The following ALPK2 variants were observed in gnomAD, a reference collection of about 807,000 sequenced individuals.
ALPK2 encodes alpha-protein kinase 2.
A neutral mutation model predicts 163.1 loss-of-function variants in ALPK2; 127 were observed. That is an observed-to-expected ratio of 0.78 (90% CI 0.67 to 0.90). The LOEUF is 0.90. Among genes scored for constraint, ALPK2 ranks in the 40% least tolerant of loss-of-function variants. The pLI, the probability that ALPK2 is intolerant of heterozygous loss-of-function variation, is 0.00. For synonymous variants in ALPK2, 953 were observed against 959.1 expected, an observed-to-expected ratio of 0.99 and a Z score of 0.12; for missense variants, 2,360 against 2,589.6, an observed-to-expected ratio of 0.91 and a Z score of 1.92.
Position 58,580,384 on chromosome 18 carries a change from G to A in ALPK2, c.392C>T (p.Thr131Ile), listed in dbSNP as rs769702339. The change falls in exon 4 of 13, where the codon ACA (threonine) becomes ATA (isoleucine). Residue 131 changes from threonine to isoleucine, a missense_variant. Thr to Ile is a moderately conservative substitution (Grantham distance 89, BLOSUM62 -1). Coordinates refer to ENST00000361673, the MANE Select transcript of ALPK2 (RefSeq NM_052947.4). ...RDRGWKHETG[T>I]HEEERANQID... The stretch of plus-strand genomic sequence containing the variant: ...CTGATTTGCCCTTTCTTCTTCATGT[G>A]TCCCTGTTTCATGTTTCCAACCCCT... 2 of 1,614,076 alleles carry A rather than the reference G, an allele frequency of 1.2e-6. No homozygotes were observed. Among genetic ancestry groups the A allele is most frequent in the African/African-American group, 1.3e-5 (1 of 74,986 alleles).
rs1326870871 is a variant in ALPK2, at chr18:58,537,813, A to G, written c.2374T>C (p.Cys792Arg). The change falls in exon 5 of 13, where the codon TGT becomes CGT. Residue 792 changes from cysteine to arginine, a missense_variant. By Grantham distance (180) the Cys-to-Arg change is radical. Coordinates refer to ENST00000361673, the MANE Select transcript of ALPK2 (RefSeq NM_052947.4). ...GCTTCTCTGTCCCTTGGCTCATCAC[A>G]CACATTTTCCAGGGTGAGGGCAGTA... ...TDTALTLENV[C>R]DEPRDREAVC... The G allele has an allele frequency of 6.2e-7, 1 of 1,613,986 alleles. No individual in the cohort carries two copies.
At chr18:58,597,084 T>G (rs180833351) in intron 3 of ALPK2, among the ~76,000 whole-genome samples, 373 of 152,258 alleles carry the variant, frequency 2.4e-3, no homozygotes, top group African/African-American at 7.9e-3. Flanking sequence ...GGTCAAGAGT[T>G]TGAGACCAGC....
rs1358685146 is a variant in ALPK2, at chr18:58,535,233, T to C, written c.4954A>G (p.Thr1652Ala). The C allele has an allele frequency of 6.2e-7, 1 of 1,614,088 alleles. No individual in the cohort carries two copies. Among genetic ancestry groups the C allele is most frequent in the African/African-American group, 1.3e-5 (1 of 75,036 alleles). ...CGTTCTCCTGAAATAAATGCCAAGG[T>C]CTTCGCTGAGGAGCTAGATGAGCTT... The part of the protein sequence containing the change: ...PPSSSSSSAK[T>A]LAFISGEREL... Residue 1652 changes from threonine to alanine, a missense_variant, in exon 5 of 13, where the codon ACC (threonine) becomes GCC (alanine). Physicochemically the swap from Thr to Ala is moderately conservative, Grantham distance 58. Coordinates refer to ENST00000361673, the MANE Select transcript of ALPK2 (RefSeq NM_052947.4).
At chr18:58,538,363 C>A in intron 4 of ALPK2, 139 bp from the exon 5 acceptor site, 2 of 814,460 alleles carry the variant, frequency 2.5e-6, no homozygotes, top group Non-Finnish European at 3.7e-6. Context: ...ATTAATCCCC[C>A]AACTCCCTCT....
intron 12 of ALPK2, among the ~76,000 whole-genome samples, chr18:58,490,059 A>C (rs2051365227): frequency 6.6e-6 from 1 of 151,250 alleles, no homozygotes; most frequent in African/African-American, 2.4e-5. Context: ...TGACAGAGTG[A>C]GAGTCCGTCT....
chr18:58,604,352 G>A (rs2052087248), intron 3 of ALPK2, among the ~76,000 whole-genome samples: 1 of 152,100 alleles, frequency 6.6e-6, no homozygotes, highest in East Asian at 1.9e-4. Context: ...ACAAAATACC[G>A]TTCATTTTCC....
intron 12 of ALPK2, among the ~76,000 whole-genome samples, chr18:58,484,425 C>G (rs1006965847): frequency 6.6e-6 from 1 of 152,154 alleles, no homozygotes; most frequent in Non-Finnish European, 1.5e-5. Flanking sequence ...GGAAGCATTG[C>G]CGGCTGGTAA....
chr18:58,550,349 C>T lies in ALPK2; in HGVS notation c.1963-12125G>A, dbSNP rs928471338. On this transcript the variant is annotated intron_variant, in intron 4 of 12. Coordinates refer to ENST00000361673, the MANE Select transcript of ALPK2 (RefSeq NM_052947.4). ...CTATCCCTGCCTTCATCATGAACAACCCCATCTCTGTCTCTATCACATACA... is the reference window on the plus strand; with the variant it reads ...CTATCCCTGCCTTCATCATGAACAATCCCATCTCTGTCTCTATCACATACA... 8.0e-5 allele frequency among the ~76,000 whole-genome samples: 12 copies of T among 150,838 alleles called. 1 individual carries two copies.
In ALPK2 at chr18:58,535,060, C is replaced by G; in HGVS notation, c.5127G>C (p.Glu1709Asp). 1 of 1,614,100 alleles carries G rather than the reference C, an allele frequency of 6.2e-7. No homozygotes were observed. Among genetic ancestry groups the G allele is most frequent in the Non-Finnish European group, 8.5e-7 (1 of 1,180,008 alleles). Residue 1709 changes from glutamate (E) to aspartate (D), a missense_variant, in exon 5 of 13, where the codon GAG becomes GAC. Coordinates refer to ENST00000361673, the MANE Select transcript of ALPK2 (RefSeq NM_052947.4). Reference protein sequence around the residue: ...PGTLTAVTGSEEVKRKPEAPG... With the variant: ...PGTLTAVTGSDEVKRKPEAPG... The stretch of plus-strand genomic sequence containing the variant: ...GGGCTTCTGGCTTCCTCTTGACCTC[C>G]TCTGACCCCGTCACTGCTGTGAGGG...
chr18:58,495,330 CA>C (rs2051396093), intron 12 of ALPK2, among the ~76,000 whole-genome samples: 1 of 152,148 alleles, frequency 6.6e-6, no homozygotes, highest in South Asian at 2.1e-4. Context: ...TCAAACACTT[CA>C]GAATCTCCTC....
chr18:58,560,047 G>T (rs1352914236), intron 4 of ALPK2, among the ~76,000 whole-genome samples: 1 of 152,168 alleles, frequency 6.6e-6, no homozygotes, highest in South Asian at 2.1e-4. Context: ...CTACAGAGGA[G>T]TGACGTGGTT....
At chr18:58,610,331 C>G (rs920315215) in intron 2 of ALPK2, among the ~76,000 whole-genome samples, 7 of 148,972 alleles carry the variant, frequency 4.7e-5, no homozygotes, top group African/African-American at 1.7e-4. Context: ...TGTCTGCCCT[C>G]AAGAAACACC....
chr18:58,487,724 C>T (rs1425306841), intron 12 of ALPK2, among the ~76,000 whole-genome samples: 1 of 152,048 alleles, frequency 6.6e-6, no homozygotes, highest in Non-Finnish European at 1.5e-5. Context: ...AAATGTACTC[C>T]ACTGAACAGC....
Position 58,582,343 on chromosome 18 carries a change from C to T in ALPK2, c.228-1795G>A, listed in dbSNP as rs572236572. On this transcript the variant is annotated intron_variant, in intron 3 of 12. Transcript: ENST00000361673. ...CATGCAGAAGAATCATCAGAGAACT[C>T]TGTTTAAAATTCTTGAATCAGAATC... is the stretch of plus-strand genomic sequence containing the variant. Among the ~76,000 whole-genome samples, 3 of 152,240 alleles carry T rather than the reference C, an allele frequency of 2.0e-5. No individual in the cohort carries two copies. The Middle Eastern group carries it at 0.01, about 518-fold the overall frequency.
intron 12 of ALPK2, among the ~76,000 whole-genome samples, chr18:58,492,295 C>A (rs930292631): frequency 3.9e-5 from 6 of 152,086 alleles, no homozygotes; most frequent in Non-Finnish European, 8.8e-5. Flanking sequence ...CGCGCACACA[C>A]ACACGCACAC....
intron 3 of ALPK2, among the ~76,000 whole-genome samples, chr18:58,603,188 G>A (rs2052080172): frequency 6.6e-6 from 1 of 152,094 alleles, no homozygotes; most frequent in Admixed American, 6.6e-5. Flanking sequence ...CCTCTCTTGG[G>A]GTCTGGATTG....
In ALPK2 at chr18:58,579,828, TA is replaced by T; in HGVS notation, c.947del (p.Leu316GlnfsTer21). 6.2e-7 allele frequency: 1 copy of T among 1,612,882 alleles called. No homozygotes were observed. Among genetic ancestry groups the T allele is most frequent in the Non-Finnish European group, 8.5e-7 (1 of 1,179,588 alleles). ...CATCTGAAAACTCCTCGGTGTAGGT[TA>T]GGGTTATCTCTGGGCAAAGTTCATA... is the stretch of plus-strand genomic sequence containing the variant. Reference protein sequence around the residue: ...SDYELCPEITLTYTEEFSDDD... With the variant: ...SDYELCPEITXTYTEEFSDDD... On this transcript the variant is annotated frameshift_variant, in exon 4 of 13. Transcript: ENST00000361673. LOFTEE classifies it high-confidence loss of function.
In ALPK2 at chr18:58,536,601, C is replaced by G. The variant is rs778411333; in HGVS notation, c.3586G>C (p.Val1196Leu). 10 of 1,614,040 alleles carry G rather than the reference C, an allele frequency of 6.2e-6. No homozygotes were observed. The highest frequency in any genetic ancestry group is 8.5e-6 in the Non-Finnish European group (10 of 1,180,028). The stretch of plus-strand genomic sequence containing the variant: ...TCTTCTTCCCCAGCAGTTTCAGCCA[C>G]CACGGAGACCCTCGTCCCCCAACCT... Reference protein sequence around the residue: ...RSGWGTRVSVVAETAGEEDSQ... With the variant: ...RSGWGTRVSVLAETAGEEDSQ... Residue 1196 changes from valine (V) to leucine (L), a missense_variant, in exon 5 of 13, where the codon GTG becomes CTG. Transcript: ENST00000361673.
In ALPK2 at chr18:58,523,819, G is replaced by T. The variant is rs747490472; in HGVS notation, c.5652C>A (p.Arg1884=). The T allele has an allele frequency of 6.2e-7, 1 of 1,613,984 alleles. No homozygotes were observed. The highest frequency in any genetic ancestry group is 1.3e-5 in the African/African-American group (1 of 74,864). ...TAACTGACTTACCTTTAGTATCCTG[G>T]CGACTTGACAGCTGTTTGAGAACTA... is the stretch of plus-strand genomic sequence containing the variant. ...TAEVLKQLSS[R]QDTKGCEEIE... The change falls in exon 8 of 13, where the codon CGC becomes CGA. Residue 1884 remains arginine, a synonymous_variant. Coordinates refer to ENST00000361673, the MANE Select transcript of ALPK2 (RefSeq NM_052947.4).
Sources: gnomAD v4.1 joint callset for allele counts (sites outside exome capture counted in the v4.1 genomes callset) on GRCh38, gnomAD v4.1.1 for gene constraint, MANE v1.5 for transcripts, NCBI Gene and HGNC (gene_info 2026-07-23, HGNC 2026-07-21) for gene names.